The following SBNO1 variants were observed in gnomAD, a reference collection of about 807,000 sequenced individuals.
SBNO1 encodes strawberry notch homolog 1, also known as protein strawberry notch homolog 1.
A neutral mutation model predicts 173.6 loss-of-function variants in SBNO1; 23 were observed. The observed-to-expected ratio is 0.13, with a 90% CI of 0.10 to 0.19. The LOEUF is 0.19. Ranked by LOEUF, SBNO1 falls within the 10% of genes least tolerant of loss-of-function variation. The pLI is 1.00. For synonymous variants in SBNO1, 632 were observed against 571.5 expected (o/e 1.11, Z -1.51); for missense variants, 1,238 against 1,671.2 (o/e 0.74, Z 4.52).
intron 7 of SBNO1, among the ~76,000 whole-genome samples, chr12:123,333,378 T>G (rs925464589): frequency 6.6e-6 from 1 of 152,118 alleles, no homozygotes; most frequent in African/African-American, 2.4e-5. Flanking sequence ...ATGTGGATGC[T>G]CAAATCTTTT....
intron 1 of SBNO1, among the ~76,000 whole-genome samples, chr12:123,363,439 G>T (rs1875634470): frequency 6.6e-6 from 1 of 152,246 alleles, no homozygotes; most frequent in South Asian, 2.1e-4. Flanking sequence ...AGGGCACTCC[G>T]GATGACAGTT....
chr12:123,323,651 G>A (rs1566035883), intron 16 of SBNO1, 29 bp downstream of exon 16: 3 of 1,560,830 alleles, frequency 1.9e-6, no homozygotes, highest in Admixed American at 1.9e-5. Flanking sequence ...ACCGCACCTG[G>A]CCTATTTTTT....
At chr12:123,313,969 A>T (rs1161483365) in intron 23 of SBNO1, among the ~76,000 whole-genome samples, 1 of 151,878 alleles carries the variant, frequency 6.6e-6, no homozygotes, top group African/African-American at 2.4e-5. Context: ...CTGTAATCCC[A>T]GCTACTTGGA....
rs2048493709 is a variant in SBNO1, at chr12:123,290,394, A to C, written c.*5514T>G. ...CCAAAGACGCTCACGGCAATCCTTG[A>C]AAGTTATAAAGGAACATTTTCTTAC... On this transcript the variant is annotated 3_prime_UTR_variant, in exon 32 of 32. Transcript: ENST00000602398. The C allele has an allele frequency of 6.6e-6, 1 of 152,236 alleles. No individual in the cohort carries two copies. Among genetic ancestry groups the C allele is most frequent in the African/African-American group, 2.4e-5 (1 of 41,466 alleles). 9.4% of individuals were successfully genotyped at this position (152,236 alleles called of 1,614,324 possible). A position where few individuals can be genotyped will look rare whatever the true frequency, so the allele number is the denominator to read the frequency against.
At chr12:123,321,807 A>G in intron 16 of SBNO1, 75 bp from the exon 17 acceptor site, 9 of 1,193,116 alleles carry the variant, frequency 7.5e-6, no homozygotes, top group Non-Finnish European at 1.1e-5. Flanking sequence ...CATTTAGTTC[A>G]TGAATTAATT....
intron 13 of SBNO1, among the ~76,000 whole-genome samples, chr12:123,326,929 T>C (rs796384572): frequency 9.9e-5 from 15 of 152,210 alleles, no homozygotes; most frequent in African/African-American, 3.6e-4. Context: ...CCTGCTTCAA[T>C]TAAAAACAAA....
chr12:123,329,252 G>A (rs925701309), intron 9 of SBNO1, among the ~76,000 whole-genome samples: 5 of 152,132 alleles, frequency 3.3e-5, no homozygotes, highest in East Asian at 1.9e-4. Flanking sequence ...ATCGTGGTGC[G>A]TGTCTGCAGT....
At chr12:123,303,081 T>C (rs1024402610) in intron 29 of SBNO1, among the ~76,000 whole-genome samples, 181 bp from the exon 30 acceptor site, 2 of 152,222 alleles carry the variant, frequency 1.3e-5, no homozygotes, top group East Asian at 1.9e-4. Flanking sequence ...GTTCCTCTTA[T>C]GTAATACATT....
At chr12:123,310,604 G>A (rs576451041) in intron 25 of SBNO1, among the ~76,000 whole-genome samples, 3 of 151,284 alleles carry the variant, frequency 2.0e-5, no homozygotes, top group South Asian at 2.1e-4. Flanking sequence ...GTGCAATCTC[G>A]GCTCACTGCA....
chr12:123,330,066 C>T (rs1478177899), intron 9 of SBNO1, among the ~76,000 whole-genome samples: 4 of 152,162 alleles, frequency 2.6e-5, no homozygotes, highest in African/African-American at 4.8e-5. Flanking sequence ...CAAGGTATGC[C>T]ACCTGTCTAA....
At chr12:123,318,106 C>T (rs1869504816) in intron 20 of SBNO1, among the ~76,000 whole-genome samples, 1 of 152,128 alleles carries the variant, frequency 6.6e-6, no homozygotes, top group African/African-American at 2.4e-5. Flanking sequence ...GGACTGTGGG[C>T]ATGTGCCATC....
chr12:123,324,265 AG>A lies in SBNO1; in HGVS notation c.1974-435del, dbSNP rs1443693193. On this transcript the variant is annotated intron_variant, in intron 15 of 31. Coordinates refer to ENST00000602398, the MANE Select transcript of SBNO1 (RefSeq NM_001167856.3). ...AAGCGGCTGCCATTCTGGACACGGTAGTTCTAGGCAATTATGTACAGAAAAA... is the reference window on the plus strand; with the variant it reads ...AAGCGGCTGCCATTCTGGACACGGTATTCTAGGCAATTATGTACAGAAAAA... Among the ~76,000 whole-genome samples the A allele has an allele frequency of 2.6e-5, 4 of 151,940 alleles. No homozygotes were observed. The East Asian group carries it at 5.8e-4, about 22-fold the overall frequency.
chr12:123,298,983 G>A (rs1269657372), intron 30 of SBNO1, among the ~76,000 whole-genome samples: 2 of 152,204 alleles, frequency 1.3e-5, no homozygotes, highest in South Asian at 2.1e-4. Flanking sequence ...AGCACTTTGG[G>A]AGGCTGAGGC....
chr12:123,350,301 A>T lies in SBNO1; in HGVS notation c.132+9T>A. On this transcript the variant is annotated intron_variant, in intron 2 of 31. Transcript: ENST00000602398. ...TCACTAAGAAAGAGAGGCTTTGGAA[A>T]ACTCTTACCTGCTGAACTGACGGGG... The T allele has an allele frequency of 6.2e-7, 1 of 1,612,068 alleles. No individual in the cohort carries two copies. The highest frequency in any genetic ancestry group is 8.5e-7 in the Non-Finnish European group (1 of 1,179,440).
At chr12:123,313,585 T>A in intron 24 of SBNO1, 35 bp downstream of exon 24, 1 of 1,095,804 alleles carries the variant, frequency 9.1e-7, no homozygotes, top group Non-Finnish European at 1.4e-6. Context: ...TTGTCAATAA[T>A]CATTGTCATT....
At chr12:123,327,685 T>A in intron 12 of SBNO1, 22 bp downstream of exon 12, 1 of 1,591,276 alleles carries the variant, frequency 6.3e-7, no homozygotes, top group Non-Finnish European at 8.6e-7. Context: ...CTGAGAAGAG[T>A]ATATACCGTA....
chr12:123,311,742 A>ATATG (rs1333659559), intron 24 of SBNO1, among the ~76,000 whole-genome samples: 1 of 126,334 alleles, frequency 7.9e-6, no homozygotes, highest in South Asian at 2.7e-4. Context: ...ATATATATAT[A>ATATG]TATATATTTT....
intron 31 of SBNO1, among the ~76,000 whole-genome samples, chr12:123,297,425 C>T (rs1047301448): frequency 1.5e-4 from 4 of 26,604 alleles, no homozygotes; most frequent in African/African-American, 3.1e-4. Context: ...AAAAAAAATT[C>T]CATAGACTGA....
At chr12:123,305,129 G>A (rs559280901) in intron 28 of SBNO1, among the ~76,000 whole-genome samples, 1 of 152,316 alleles carries the variant, frequency 6.6e-6, no homozygotes, top group African/African-American at 2.4e-5. Context: ...GGTCTTCAGA[G>A]AAAATTCTTT....
Sources: allele counts gnomAD v4.1 joint callset (sites outside exome capture counted in the v4.1 genomes callset), GRCh38; gene constraint gnomAD v4.1.1; transcripts MANE v1.5; gene names NCBI Gene and HGNC (gene_info 2026-07-23, HGNC 2026-07-21).